LRP1B: variants seen among roughly 807,000 people sequenced by gnomAD.
The protein encoded by LRP1B is low-density lipoprotein receptor-related protein 1B.
In LRP1B, 217 loss-of-function variants were observed where a neutral mutation model predicts 556.6. That is an observed-to-expected ratio of 0.39 (90% CI 0.35 to 0.44). LRP1B has a LOEUF of 0.44. LRP1B is among the 20% of genes least tolerant of loss of function. The probability of loss-of-function intolerance (pLI) is 1.00; values close to 1 mark genes in which losing one functional copy is unlikely to be tolerated. For missense variants in LRP1B, 5,053 were observed against 5,620.8 expected (o/e 0.90, Z 3.23); for synonymous variants, 2,047 against 1,865.8 (o/e 1.10, Z -2.50).
At chr2:140,549,731 A>G (rs1002757213) in intron 43 of LRP1B, among the ~76,000 whole-genome samples, 1 of 152,186 alleles carries the variant, frequency 6.6e-6, no homozygotes, top group African/African-American at 2.4e-5. Flanking sequence ...TATAGTTTCA[A>G]TGTCCCTTTT....
At chr2:141,056,746 T>C (rs1699188585) in intron 9 of LRP1B, among the ~76,000 whole-genome samples, 1 of 151,908 alleles carries the variant, frequency 6.6e-6, no homozygotes, top group Admixed American at 6.6e-5. Flanking sequence ...TGGCTTTAAA[T>C]GTGACCTGTC....
rs2105462432 is a variant in LRP1B, at chr2:141,058,870, C to A, written c.1408+13G>T. On this transcript the variant is annotated intron_variant, in intron 9 of 90. Transcript: ENST00000389484. ...TACCATTAGGAAGGTAATAAAGAAG[C>A]TTTCCCACTTACCTGTTGGTTGAGT... The A allele has an allele frequency of 6.4e-7, 1 of 1,571,144 alleles. No homozygotes were observed.
At chr2:141,472,468 AGGT>A (rs1559090246) in intron 3 of LRP1B, among the ~76,000 whole-genome samples, 1 of 152,178 alleles carries the variant, frequency 6.6e-6, no homozygotes, top group Non-Finnish European at 1.5e-5. Flanking sequence ...TGAACCCCGG[AGGT>A]GGAGGTTGCA....
Position 141,573,177 on chromosome 2 carries a change from AAATTGACCACAT to A in LRP1B, c.206-92656_206-92645del, listed in dbSNP as rs544787598. Among the ~76,000 whole-genome samples, 300 of 152,326 alleles carry A rather than the reference AAATTGACCACAT, an allele frequency of 2.0e-3. 1 individual carries two copies. Among genetic ancestry groups the A allele is most frequent in the Non-Finnish European group, 3.0e-3 (204 of 68,030 alleles). On this transcript the variant is annotated intron_variant, in intron 2 of 90. Transcript: ENST00000389484. ...TTAGTGCCACATGGCACTTATTCTG[AAATTGACCACAT>A]AATTGGGAGTAAAACACTCCTCAGC...
At chr2:141,354,962 AC>A (rs1272645272) in intron 3 of LRP1B, among the ~76,000 whole-genome samples, 10 of 152,254 alleles carry the variant, frequency 6.6e-5, no homozygotes, top group African/African-American at 2.4e-4. Context: ...GAAAAATGTA[AC>A]AGTTTGTATA....
intron 2 of LRP1B, among the ~76,000 whole-genome samples, chr2:141,671,599 A>T (rs1690668768): frequency 6.6e-6 from 1 of 152,162 alleles, no homozygotes; most frequent in African/African-American, 2.4e-5. Flanking sequence ...AAGGGCAATA[A>T]GGTACAACTA....
At chr2:141,692,743 C>G (rs896029581) in intron 2 of LRP1B, among the ~76,000 whole-genome samples, 1 of 151,982 alleles carries the variant, frequency 6.6e-6, no homozygotes, top group African/African-American at 2.4e-5. Flanking sequence ...TACTACACAC[C>G]TAGGCTATAT....
intron 7 of LRP1B, among the ~76,000 whole-genome samples, chr2:141,175,635 T>A (rs1405639304): frequency 6.6e-6 from 1 of 152,106 alleles, no homozygotes; most frequent in Non-Finnish European, 1.5e-5. Context: ...GGAGCCCTCA[T>A]GGAGAACCTC....
intron 77 of LRP1B, among the ~76,000 whole-genome samples, chr2:140,341,712 T>C (rs1410120240): frequency 1.3e-5 from 2 of 151,486 alleles, no homozygotes; most frequent in African/African-American, 4.8e-5. Flanking sequence ...TATGTGCTTG[T>C]TTATAGCTAT....
At chr2:141,434,185 C>T (rs1680671401) in intron 3 of LRP1B, among the ~76,000 whole-genome samples, 1 of 151,924 alleles carries the variant, frequency 6.6e-6, no homozygotes, top group African/African-American at 2.4e-5. Context: ...TTTTTCTGTC[C>T]CTTTCTCTTT....
chr2:140,413,735 T>A (rs1482269963), intron 66 of LRP1B, among the ~76,000 whole-genome samples: 2 of 152,194 alleles, frequency 1.3e-5, no homozygotes, highest in Non-Finnish European at 2.9e-5. Context: ...AAATATCATC[T>A]CCACTTCAGC....
chr2:141,412,060 C>T (rs1347924828), intron 3 of LRP1B, among the ~76,000 whole-genome samples: 2 of 152,020 alleles, frequency 1.3e-5, no homozygotes, highest in Non-Finnish European at 2.9e-5. Flanking sequence ...GCTAAATTAA[C>T]AGCCCCAAAT....
At chr2:141,548,614 T>C (rs1685637502) in intron 2 of LRP1B, among the ~76,000 whole-genome samples, 1 of 152,214 alleles carries the variant, frequency 6.6e-6, no homozygotes, top group African/African-American at 2.4e-5. Context: ...ATCTTTGACC[T>C]TGGGTAGGAT....
chr2:141,630,375 A>G (rs1016132897), intron 2 of LRP1B, among the ~76,000 whole-genome samples: 1 of 152,244 alleles, frequency 6.6e-6, no homozygotes, highest in Non-Finnish European at 1.5e-5. Flanking sequence ...ACTCCCAGAC[A>G]AAAGTCCTCA....
rs761258131 is a variant in LRP1B at position 140,475,257 on chromosome 2, A to G, written c.9506T>C (p.Ile3169Thr). 14 of 1,612,420 alleles carry G rather than the reference A, an allele frequency of 8.7e-6. No individual in the cohort carries two copies. Among genetic ancestry groups the G allele is most frequent in the Middle Eastern group, 1.7e-4 (1 of 6,056 alleles). Residue 3169 changes from isoleucine (I) to threonine (T), a missense_variant, in exon 60 of 91, where the codon ATA becomes ACA. Coordinates refer to ENST00000389484, the MANE Select transcript of LRP1B (RefSeq NM_018557.3). ...GMDGTNQSVV[I>T]ETKISRPMAL... ...CATAGGTCTAGAAATCTTGGTTTCT[A>G]TGACAACACTCTGATTGGTTCCATC...
At chr2:140,401,761 T>A (rs67641696) in intron 66 of LRP1B, among the ~76,000 whole-genome samples, 17,004 of 152,246 alleles carry the variant, frequency 0.11, 1,061 homozygotes, top group African/African-American at 0.17. Flanking sequence ...ACTGACATAG[T>A]CCCTCATAGT....
At chr2:140,719,884 T>G (rs1418464851) in intron 35 of LRP1B, among the ~76,000 whole-genome samples, 1 of 152,058 alleles carries the variant, frequency 6.6e-6, no homozygotes, top group Non-Finnish European at 1.5e-5. Context: ...ACATATATGT[T>G]GTATACCCAC....
chr2:140,328,472 G>A (rs35432239), intron 79 of LRP1B, among the ~76,000 whole-genome samples: 45,868 of 146,714 alleles, frequency 0.31, 7,878 homozygotes, highest in Non-Finnish European at 0.4. Context: ...GGAAGAAAAT[G>A]AAAGAAAAAA....
At chr2:140,914,884 T>C (rs1694529564) in intron 21 of LRP1B, among the ~76,000 whole-genome samples, 1 of 152,082 alleles carries the variant, frequency 6.6e-6, no homozygotes, top group African/African-American at 2.4e-5. Context: ...GTGTCATTCA[T>C]TAAGCTTCTA....
Sources: allele counts gnomAD v4.1 joint callset (sites outside exome capture counted in the v4.1 genomes callset), GRCh38; gene constraint gnomAD v4.1.1; transcripts MANE v1.5; gene names NCBI Gene and HGNC (gene_info 2026-07-23, HGNC 2026-07-21).